Variants in PLXDC2 observed in about 807,000 individuals in gnomAD.
PLXDC2 encodes the protein plexin domain containing 2.
A neutral mutation model predicts 68.9 loss-of-function variants in PLXDC2; 40 were observed. The observed-to-expected ratio is 0.58, with a 90% CI of 0.45 to 0.76. The LOEUF (loss-of-function observed/expected upper bound fraction) is 0.76, where lower values mean the gene tolerates loss of function less well. Among genes scored for constraint, PLXDC2 ranks in the 30% least tolerant of loss-of-function variants. The probability of loss-of-function intolerance (pLI) is 0.00; values close to 1 mark genes in which losing one functional copy is unlikely to be tolerated. For missense variants in PLXDC2, 644 were observed against 661.9 expected, an observed-to-expected ratio of 0.97 and a Z score of 0.30; for synonymous variants, 243 against 234.2, an observed-to-expected ratio of 1.04 and a Z score of -0.34.
intron 4 of PLXDC2, among the ~76,000 whole-genome samples, chr10:20,084,664 C>A (rs957404524): frequency 1.4e-4 from 22 of 152,116 alleles, no homozygotes; most frequent in African/African-American, 4.6e-4. Flanking sequence ...TGGCCTTATA[C>A]CTTAACTTCC....
At chr10:19,907,087 T>C (rs937881095) in intron 1 of PLXDC2, among the ~76,000 whole-genome samples, 1 of 152,182 alleles carries the variant, frequency 6.6e-6, no homozygotes, top group South Asian at 2.1e-4. Context: ...GGAAGATTTA[T>C]TGTGGCATGG....
At chr10:19,860,536 A>C (rs1725391527) in intron 1 of PLXDC2, among the ~76,000 whole-genome samples, 1 of 152,194 alleles carries the variant, frequency 6.6e-6, no homozygotes, top group Non-Finnish European at 1.5e-5. Context: ...GAACCAATGG[A>C]GAATGAATTC....
intron 2 of PLXDC2, among the ~76,000 whole-genome samples, chr10:20,013,778 T>C (rs2131646664): frequency 6.6e-6 from 1 of 152,352 alleles, no homozygotes; most frequent in East Asian, 1.9e-4. Flanking sequence ...TCATCTTCTT[T>C]TTCTTTAACA....
chr10:20,265,286 T>C (rs1345853470), intron 13 of PLXDC2, among the ~76,000 whole-genome samples: 2 of 152,228 alleles, frequency 1.3e-5, no homozygotes, highest in African/African-American at 4.8e-5. Context: ...AAAGACATCA[T>C]ACAAGCACTG....
At chr10:20,208,768 G>C (rs997801147) in intron 9 of PLXDC2, among the ~76,000 whole-genome samples, 2 of 152,066 alleles carry the variant, frequency 1.3e-5, no homozygotes, top group African/African-American at 4.8e-5. Flanking sequence ...ATTTCATGTA[G>C]GTACTTTTAT....
At chr10:20,184,570 G>A (rs1365240936) in intron 9 of PLXDC2, among the ~76,000 whole-genome samples, 3 of 151,670 alleles carry the variant, frequency 2.0e-5, no homozygotes, top group Non-Finnish European at 4.4e-5. Flanking sequence ...TTACATAGGG[G>A]CAGCTAATTT....
chr10:20,144,245 C>T (rs1834044226), intron 5 of PLXDC2, among the ~76,000 whole-genome samples: 1 of 152,020 alleles, frequency 6.6e-6, no homozygotes. Context: ...GCAAATAATA[C>T]AAGCATTTGG....
intron 1 of PLXDC2, among the ~76,000 whole-genome samples, chr10:19,874,464 C>G (rs1387196331): frequency 6.6e-6 from 1 of 152,182 alleles, no homozygotes; most frequent in Admixed American, 6.5e-5. Flanking sequence ...GTCATTGACT[C>G]TCAATCTTGT....
chr10:20,074,550 T>A (rs572678308), intron 4 of PLXDC2, among the ~76,000 whole-genome samples: 3 of 152,286 alleles, frequency 2.0e-5, no homozygotes, highest in Admixed American at 6.5e-5. Context: ...AGAGATTTTT[T>A]AAAAATATTA....
chr10:19,846,543 A>G (rs1837013372), intron 1 of PLXDC2, among the ~76,000 whole-genome samples: 1 of 152,176 alleles, frequency 6.6e-6, no homozygotes, highest in Non-Finnish European at 1.5e-5. Flanking sequence ...CTCCTACTAT[A>G]AACTTTTTTG....
At chr10:20,103,055 C>T (rs34478812) in intron 4 of PLXDC2, among the ~76,000 whole-genome samples, 33,833 of 151,880 alleles carry the variant, frequency 0.22, 4,663 homozygotes, top group East Asian at 0.49. Flanking sequence ...GTCAAGAAGG[C>T]GATAACTATG....
chr10:19,918,470 A>G (rs1364625858), intron 1 of PLXDC2, among the ~76,000 whole-genome samples: 1 of 152,156 alleles, frequency 6.6e-6, no homozygotes, highest in Non-Finnish European at 1.5e-5. Flanking sequence ...AAAAGCACAT[A>G]GGGGCATGGA....
intron 4 of PLXDC2, among the ~76,000 whole-genome samples, chr10:20,078,203 C>CT (rs1314651617): frequency 9.9e-5 from 15 of 151,948 alleles, no homozygotes; most frequent in Admixed American, 9.2e-4. Context: ...CACGGTGAGA[C>CT]TTTATCTCTT....
At chr10:19,843,089 C>A (rs1032910004) in intron 1 of PLXDC2, among the ~76,000 whole-genome samples, 3 of 151,880 alleles carry the variant, frequency 2.0e-5, no homozygotes, top group African/African-American at 7.3e-5. Flanking sequence ...TTACCGGACC[C>A]CTAATGTCTT....
intron 12 of PLXDC2, among the ~76,000 whole-genome samples, chr10:20,223,278 A>T (rs1171490098): frequency 6.6e-6 from 1 of 151,888 alleles, no homozygotes; most frequent in Non-Finnish European, 1.5e-5. Flanking sequence ...GTCTTTAACA[A>T]CATCATGGTA....
intron 1 of PLXDC2, among the ~76,000 whole-genome samples, chr10:19,920,912 A>T (rs1833452274): frequency 6.6e-6 from 1 of 151,714 alleles, no homozygotes; most frequent in East Asian, 1.9e-4. Flanking sequence ...GATTTTTATT[A>T]TTTTTATTAC....
intron 12 of PLXDC2, among the ~76,000 whole-genome samples, chr10:20,241,668 A>G (rs1835517908): frequency 6.6e-6 from 1 of 152,060 alleles, no homozygotes; most frequent in African/African-American, 2.4e-5. Context: ...AGCCTCAGCT[A>G]CTTGGGAGGC....
rs890915062 is a variant in PLXDC2, at chr10:20,068,365, A to G, written c.541+126A>G. ...AACCATTGTGTTTTATCACAAAGTC[A>G]TAGGTATAAATAAAACCAAAGAAAG... is the stretch of plus-strand genomic sequence containing the variant. On this transcript the variant is annotated intron_variant, in intron 4 of 13. Coordinates refer to ENST00000377252, the MANE Select transcript of PLXDC2 (RefSeq NM_032812.9). 14 of 827,810 alleles carry G rather than the reference A, an allele frequency of 1.7e-5. No individual in the cohort carries two copies. The African/African-American group carries it at 2.3e-4, about 13-fold the overall frequency. 51.3% of individuals were successfully genotyped at this position (827,810 alleles called of 1,614,324 possible). A position where few individuals can be genotyped will look rare whatever the true frequency, so the allele number is the denominator to read the frequency against.
At chr10:19,927,278 A>C (rs1564630814) in intron 1 of PLXDC2, among the ~76,000 whole-genome samples, 1 of 152,192 alleles carries the variant, frequency 6.6e-6, no homozygotes, top group Non-Finnish European at 1.5e-5. Context: ...TTGGGAGCAC[A>C]GGAGAGGGAG....
Sources: allele counts gnomAD v4.1 joint callset (sites outside exome capture counted in the v4.1 genomes callset), GRCh38; gene constraint gnomAD v4.1.1; transcripts MANE v1.5; gene names NCBI Gene and HGNC (gene_info 2026-07-23, HGNC 2026-07-21).